Variants in CORO2A observed in about 807,000 individuals in gnomAD.
CORO2A encodes the protein coronin 2A, also known as coronin-2A.
CORO2A carries 47 observed loss-of-function variants against 62.4 expected under a neutral mutation model. That is an observed-to-expected ratio of 0.75 (90% CI 0.60 to 0.96). CORO2A has a LOEUF of 0.96. Among genes scored for constraint, CORO2A ranks in the 40% least tolerant of loss-of-function variants. CORO2A has a pLI of 0.00. For missense variants in CORO2A, 610 were observed against 684.1 expected (o/e 0.89, Z 1.21); for synonymous variants, 273 against 268.9 (o/e 1.02, Z -0.15).
At chr9:98,161,602 A>G (rs1401191321) in intron 1 of CORO2A, among the ~76,000 whole-genome samples, 3 of 151,960 alleles carry the variant, frequency 2.0e-5, no homozygotes, top group Non-Finnish European at 4.4e-5. Context: ...GAGATAGAGG[A>G]CCAGATTTAA....
intron 4 of CORO2A, among the ~76,000 whole-genome samples, chr9:98,134,364 C>T (rs1000063583): frequency 6.6e-6 from 1 of 152,148 alleles, no homozygotes; most frequent in Non-Finnish European, 1.5e-5. Context: ...CCCATCCACT[C>T]CGGGCAGGCT....
intron 1 of CORO2A, among the ~76,000 whole-genome samples, chr9:98,191,370 C>T (rs7029784): frequency 0.24 from 35,856 of 152,208 alleles, 4,318 homozygotes; most frequent in African/African-American, 0.25. Flanking sequence ...GCAGACACCT[C>T]GGCTCCCTCT....
At chr9:98,138,700 C>T (rs1827523372) in intron 2 of CORO2A, among the ~76,000 whole-genome samples, 1 of 152,156 alleles carries the variant, frequency 6.6e-6, no homozygotes, top group Admixed American at 6.5e-5. Flanking sequence ...TGCCTGAGCA[C>T]ATTAATGCAT....
intron 1 of CORO2A, among the ~76,000 whole-genome samples, chr9:98,176,058 T>C (rs1160850692): frequency 6.6e-6 from 1 of 152,176 alleles, no homozygotes; most frequent in South Asian, 2.1e-4. Flanking sequence ...CAGATTAAAC[T>C]AGAAGCACAA....
intron 4 of CORO2A, among the ~76,000 whole-genome samples, chr9:98,134,348 T>A (rs1196670534): frequency 1.3e-5 from 2 of 152,176 alleles, no homozygotes; most frequent in Non-Finnish European, 2.9e-5. Flanking sequence ...TTCTGGGCAG[T>A]GCCATCCCAT....
intron 3 of CORO2A, among the ~76,000 whole-genome samples, chr9:98,136,217 A>C (rs1827484883): frequency 6.6e-6 from 1 of 152,216 alleles, no homozygotes; most frequent in South Asian, 2.1e-4. Flanking sequence ...AAAAGTGGGG[A>C]CAGTTTCAGA....
At chr9:98,186,300 TGGG>T (rs1828238503) in intron 1 of CORO2A, among the ~76,000 whole-genome samples, 1 of 139,640 alleles carries the variant, frequency 7.2e-6, no homozygotes, top group South Asian at 2.2e-4. Flanking sequence ...GGGCTAGGTT[TGGG>T]GGATGGTATC....
rs568068769 is a variant in CORO2A, at chr9:98,160,516, C to T, written c.1-2856G>A. On this transcript the variant is annotated intron_variant, in intron 1 of 11. Transcript: ENST00000375077. ...TGCTAAGGAGCAGCACATCTTTTCTCTATAGTGAGTTTTGAGAGAAATGGG... is the reference window on the plus strand; with the variant it reads ...TGCTAAGGAGCAGCACATCTTTTCTTTATAGTGAGTTTTGAGAGAAATGGG... 3.3e-5 allele frequency among the ~76,000 whole-genome samples: 5 copies of T among 152,302 alleles called. No individual in the cohort carries two copies. The East Asian group carries it at 9.7e-4, about 29-fold the overall frequency.
Position 98,164,976 on chromosome 9 carries a change from C to CTT in CORO2A, c.1-7318_1-7317dup, listed in dbSNP as rs138119548. ...CCACCAGGGTCTAGGTGTAACAATT[C>CTT]TTTTTTTTTTGAGATAGGGCCTCAC... On this transcript the variant is annotated intron_variant, in intron 1 of 11. Transcript: ENST00000375077. Among the ~76,000 whole-genome samples the CTT allele has an allele frequency of 4.0e-5, 6 of 149,498 alleles. No individual in the cohort carries two copies. In the South Asian group the frequency reaches 6.4e-4, roughly 16 times the overall value.
chr9:98,154,352 T>TATATATACATATATAC (rs71369555), intron 2 of CORO2A, among the ~76,000 whole-genome samples: 2 of 94,058 alleles, frequency 2.1e-5, no homozygotes, highest in Non-Finnish European at 4.4e-5. Context: ...TATATATATA[T>TATATATACATATATAC]ACACAAATAC....
chr9:98,128,969 G>A (rs1827367725), intron 8 of CORO2A, among the ~76,000 whole-genome samples: 1 of 152,184 alleles, frequency 6.6e-6, no homozygotes, highest in African/African-American at 2.4e-5. Flanking sequence ...GTCTCACTCT[G>A]TTGCCCAGGC....
intron 1 of CORO2A, among the ~76,000 whole-genome samples, chr9:98,177,745 GA>G (rs58780438): frequency 3.3e-4 from 44 of 133,764 alleles, no homozygotes; most frequent in South Asian, 7.0e-4. Flanking sequence ...CCTTCCACAA[GA>G]AAAAAAAAAA....
At chr9:98,132,367 G>T in intron 5 of CORO2A, 66 bp from the exon 6 acceptor site, 2 of 1,360,342 alleles carry the variant, frequency 1.5e-6, no homozygotes, top group Non-Finnish European at 2.1e-6. Context: ...GGGGTTTCTG[G>T]CCTCCCTGCT....
chr9:98,129,758 G>A, intron 8 of CORO2A, 36 bp downstream of exon 8: 1 of 1,525,306 alleles, frequency 6.6e-7, no homozygotes, highest in South Asian at 1.1e-5. Context: ...CGAAGTGCTG[G>A]GATTACAGGC....
In CORO2A at chr9:98,126,670, G is replaced by A. The variant is rs373733956; in HGVS notation, c.1325C>T (p.Ser442Phe). 4 of 1,614,090 alleles carry A rather than the reference G, an allele frequency of 2.5e-6. No homozygotes were observed. The African/African-American group carries it at 5.3e-5, about 22-fold the overall frequency. ...KLAAEDGWRS[S>F]SLLEEKMPRW... ...TGGCATCTTCTCCTCCAACAGGGAG[G>A]AAGACCTCCAGCCATCTTCTGCAGC... is the stretch of plus-strand genomic sequence containing the variant. Residue 442 changes from serine (S) to phenylalanine (F), a missense_variant, in exon 11 of 12, where the codon TCC becomes TTC. Transcript: ENST00000375077.
intron 1 of CORO2A, among the ~76,000 whole-genome samples, chr9:98,190,194 C>T (rs1000224380): frequency 6.6e-6 from 1 of 152,128 alleles, no homozygotes; most frequent in South Asian, 2.1e-4. Context: ...CAGAAGACAA[C>T]TTCTTACAAA....
chr9:98,143,731 G>T (rs1827605445), intron 2 of CORO2A, among the ~76,000 whole-genome samples: 1 of 152,128 alleles, frequency 6.6e-6, no homozygotes, highest in East Asian at 1.9e-4. Flanking sequence ...TGTTTCAGGG[G>T]CCAGGGGATA....
chr9:98,136,977 T>C (rs949430737), intron 3 of CORO2A, among the ~76,000 whole-genome samples: 1 of 152,214 alleles, frequency 6.6e-6, no homozygotes, highest in African/African-American at 2.4e-5. Context: ...TGTGAGCCAC[T>C]GAACCTGGCA....
chr9:98,140,042 T>C (rs955041041), intron 2 of CORO2A, among the ~76,000 whole-genome samples: 1 of 152,138 alleles, frequency 6.6e-6, no homozygotes, highest in Admixed American at 6.5e-5. Context: ...GGACTGGCAG[T>C]GACCAATCTG....
Sources: gnomAD v4.1 joint callset for allele counts (sites outside exome capture counted in the v4.1 genomes callset) on GRCh38, gnomAD v4.1.1 for gene constraint, MANE v1.5 for transcripts, NCBI Gene and HGNC (gene_info 2026-07-23, HGNC 2026-07-21) for gene names.